Variants in SLX9 observed in about 807,000 individuals in gnomAD.
SLX9 encodes SLX9 ribosome biogenesis factor.
SLX9 carries 19 observed loss-of-function variants against 20.8 expected under a neutral mutation model. The ratio of observed to expected loss-of-function variants is 0.91; its 90% confidence interval spans 0.64 to 1.34. SLX9 has a LOEUF of 1.34. SLX9 is among the 40% of genes most tolerant of loss of function. The pLI, the probability that SLX9 is intolerant of heterozygous loss-of-function variation, is 0.00. For synonymous variants in SLX9, 113 were observed against 137.1 expected, an observed-to-expected ratio of 0.82 and a Z score of 1.23; for missense variants, 299 against 322.2, an observed-to-expected ratio of 0.93 and a Z score of 0.55.
At chr21:44,953,305 A>G (rs1568933812) in intron 2 of SLX9, among the ~76,000 whole-genome samples, 1 of 152,154 alleles carries the variant, frequency 6.6e-6, no homozygotes. Context: ...AGGTGTAGGC[A>G]GGTCGTGGAG....
chr21:44,956,683 G>A (rs1269983122), intron 2 of SLX9, among the ~76,000 whole-genome samples: 1 of 152,250 alleles, frequency 6.6e-6, no homozygotes, highest in African/African-American at 2.4e-5. Context: ...TGGCGTGCAC[G>A]GAAAAGCCGG....
At chr21:44,974,108 CTT>C (rs1447277032) in intron 5 of SLX9, among the ~76,000 whole-genome samples, 1 of 152,246 alleles carries the variant, frequency 6.6e-6, no homozygotes, top group Non-Finnish European at 1.5e-5. Context: ...TCTCTTGCCT[CTT>C]TGCAGACTCA....
At chr21:44,949,710 T>A (rs766552375) in intron 2 of SLX9, among the ~76,000 whole-genome samples, 1 of 152,074 alleles carries the variant, frequency 6.6e-6, no homozygotes, top group Non-Finnish European at 1.5e-5. Flanking sequence ...TCTGCAGGCG[T>A]GTTGGACTGG....
chr21:44,941,031 T>C (rs2084536743), intron 1 of SLX9, among the ~76,000 whole-genome samples: 1 of 131,216 alleles, frequency 7.6e-6, no homozygotes, highest in African/African-American at 3.1e-5. Context: ...TCCAGTGAAA[T>C]TTTCATTTTT....
chr21:44,940,499 G>A lies in SLX9; in HGVS notation c.129+313G>A, dbSNP rs1194012804. On this transcript the variant is annotated intron_variant, in intron 1 of 5. Coordinates refer to ENST00000291634, the MANE Select transcript of SLX9 (RefSeq NM_058190.4). ...TGAATCGCACTGAGCTCCCCGGAAA[G>A]GAAAGGACGTTCCCAGAGTTAGAGA... 4.6e-5 allele frequency among the ~76,000 whole-genome samples: 7 copies of A among 152,328 alleles called. No homozygotes were observed. In the South Asian group the frequency reaches 1.2e-3, roughly 27 times the overall value.
At chr21:44,950,861 C>T (rs895198282) in intron 2 of SLX9, among the ~76,000 whole-genome samples, 35 of 152,096 alleles carry the variant, frequency 2.3e-4, no homozygotes, top group African/African-American at 3.9e-4. Context: ...AGGGGGGTGT[C>T]GGGGGGCTGC....
chr21:44,947,560 C>T (rs1330724012), intron 2 of SLX9, among the ~76,000 whole-genome samples: 1 of 134,242 alleles, frequency 7.4e-6, no homozygotes, highest in African/African-American at 3.9e-5. Context: ...CTGTGACTGA[C>T]AAGTTCATGG....
In SLX9 at chr21:44,943,692, G is replaced by A. The variant is rs78520285; in HGVS notation, c.138G>A (p.Ala46=). The A allele has an allele frequency of 0.014, 22,174 of 1,614,012 alleles. 173 individuals are homozygous for A. The highest frequency in any genetic ancestry group is 0.017 in the Non-Finnish European group (19,663 of 1,179,920). The part of the protein sequence containing the change: ...PPASAAGKDW[A]FINTNIFART... The stretch of plus-strand genomic sequence containing the variant: ...TTTGTTGGGGACATTAGGACTGGGC[G>A]TTCATCAACACCAACATCTTTGCCA... Residue 46 remains alanine (A), a synonymous_variant, in exon 2 of 6, where the codon GCG becomes GCA. Coordinates refer to ENST00000291634, the MANE Select transcript of SLX9 (RefSeq NM_058190.4).
At chr21:44,976,636 T>G in intron 5 of SLX9, 44 bp from the exon 6 acceptor site, 1 of 1,558,988 alleles carries the variant, frequency 6.4e-7, no homozygotes, top group Non-Finnish European at 8.7e-7. Context: ...GGCTGAGGGG[T>G]CCGGGGGTTC....
At chr21:44,945,923 T>C (rs1439237550) in intron 2 of SLX9, among the ~76,000 whole-genome samples, 1 of 151,852 alleles carries the variant, frequency 6.6e-6, no homozygotes, top group Non-Finnish European at 1.5e-5. Flanking sequence ...TTAGTAGAGA[T>C]GGGGTTTCAC....
At chr21:44,952,898 A>G (rs1320078086) in intron 2 of SLX9, among the ~76,000 whole-genome samples, 2 of 152,190 alleles carry the variant, frequency 1.3e-5, no homozygotes, top group South Asian at 2.1e-4. Context: ...CACTGTCCTC[A>G]TCGACAGCTG....
At chr21:44,944,020 C>T (rs961009884) in intron 2 of SLX9, among the ~76,000 whole-genome samples, 183 bp downstream of exon 2, 1 of 152,228 alleles carries the variant, frequency 6.6e-6, no homozygotes, top group African/African-American at 2.4e-5. Flanking sequence ...GGTTTTGCCC[C>T]TGGGCTGCAT....
chr21:44,957,714 G>A (rs2084883318), intron 2 of SLX9, among the ~76,000 whole-genome samples: 1 of 152,238 alleles, frequency 6.6e-6, no homozygotes, highest in Non-Finnish European at 1.5e-5. Flanking sequence ...AGGGAGGCCT[G>A]GGCTCTGTCT....
In SLX9 at chr21:44,976,806, A is replaced by G. The variant is rs1480427648; in HGVS notation, c.*3A>G. The G allele has an allele frequency of 5.8e-6, 9 of 1,540,638 alleles. No homozygotes were observed. Among genetic ancestry groups the G allele is most frequent in the African/African-American group, 4.1e-5 (3 of 73,026 alleles). ...TGGAAGATGGCGGCCAGCTCTGACC[A>G]GGGCAGCGGGCATGCCACAACTCCT... On this transcript the variant is annotated 3_prime_UTR_variant, in exon 6 of 6. Transcript: ENST00000291634.
intron 2 of SLX9, among the ~76,000 whole-genome samples, chr21:44,956,001 T>C (rs8134047): frequency 0.1 from 15,966 of 152,274 alleles, 2,767 homozygotes; most frequent in African/African-American, 0.36. Flanking sequence ...AGGTGTCTGC[T>C]GATGCGGACG....
At chr21:44,950,512 G>T (rs1176264519) in intron 2 of SLX9, among the ~76,000 whole-genome samples, 3 of 152,230 alleles carry the variant, frequency 2.0e-5, no homozygotes, top group African/African-American at 7.2e-5. Flanking sequence ...CCTGCAGAGA[G>T]TGTGGCCGTG....
chr21:44,940,019 G>C (rs369160563), upstream of SLX9: 42 of 1,391,068 alleles, frequency 3.0e-5, no homozygotes, highest in African/African-American at 5.4e-4. Flanking sequence ...ACCAGCTTCC[G>C]GGAGGCGCTC....
intron 4 of SLX9, 115 bp from the exon 5 acceptor site, chr21:44,973,082 G>A (rs1190708380): frequency 4.3e-6 from 5 of 1,157,422 alleles, no homozygotes; most frequent in Non-Finnish European, 6.3e-6. Context: ...CAGTGGTTTG[G>A]TCACCTCTGG....
chr21:44,974,054 C>T (rs1463196033), intron 5 of SLX9, among the ~76,000 whole-genome samples: 1 of 152,256 alleles, frequency 6.6e-6, no homozygotes, highest in African/African-American at 2.4e-5. Flanking sequence ...GAAATTTGTA[C>T]TCAGTTGTCC....
Sources: gnomAD v4.1 joint callset for allele counts (sites outside exome capture counted in the v4.1 genomes callset) on GRCh38, gnomAD v4.1.1 for gene constraint, MANE v1.5 for transcripts, NCBI Gene and HGNC (gene_info 2026-07-23, HGNC 2026-07-21) for gene names.